LARGE1: variants seen among roughly 807,000 people sequenced by gnomAD.
The protein encoded by LARGE1 is xylosyl- and glucuronyltransferase LARGE1.
A neutral mutation model predicts 87.6 loss-of-function variants in LARGE1; 43 were observed. The ratio of observed to expected loss-of-function variants is 0.49; its 90% CI spans 0.38 to 0.63. The LOEUF is 0.63. Ranked by LOEUF, LARGE1 falls within the 30% of genes least tolerant of loss-of-function variation. LARGE1 has a pLI of 0.00. For missense variants in LARGE1, 802 were observed against 1,000.2 expected (o/e 0.80, Z 2.67); for synonymous variants, 434 against 394.6 (o/e 1.10, Z -1.18).
intron 11 of LARGE1, among the ~76,000 whole-genome samples, chr22:33,199,100 C>G (rs777048992): frequency 6.6e-6 from 1 of 151,906 alleles, no homozygotes; most frequent in East Asian, 1.9e-4. Context: ...ATCTGATGAT[C>G]GTGATGTTGA....
chr22:33,330,246 A>G (rs1474906666), intron 10 of LARGE1, among the ~76,000 whole-genome samples: 2 of 152,206 alleles, frequency 1.3e-5, no homozygotes, highest in African/African-American at 2.4e-5. Flanking sequence ...AAAAAACGGT[A>G]GAGAATAGCT....
intron 1 of LARGE1, among the ~76,000 whole-genome samples, chr22:33,869,990 C>G (rs940358491): frequency 2.0e-5 from 3 of 152,142 alleles, no homozygotes; most frequent in Non-Finnish European, 2.9e-5. Context: ...AATTGTGTAT[C>G]CCCCAGAAAG....
chr22:33,599,076 G>C (rs2148954883), intron 5 of LARGE1, among the ~76,000 whole-genome samples: 1 of 152,316 alleles, frequency 6.6e-6, no homozygotes. Context: ...GTAACCAACA[G>C]TCATTCCCCA....
At chr22:33,156,577 C>T in the LARGE1 span, among the ~76,000 whole-genome samples, 3 of 152,142 alleles carry the variant, frequency 2.0e-5, no homozygotes, top group Non-Finnish European at 4.4e-5. Flanking sequence ...CCCATTGTAT[C>T]TAGGAGGTAA....
intron 11 of LARGE1, among the ~76,000 whole-genome samples, chr22:33,262,883 T>G (rs1226350697): frequency 7.3e-6 from 1 of 136,842 alleles, no homozygotes; most frequent in African/African-American, 2.7e-5. Context: ...TCCCCTCCGC[T>G]CGCCTCCCCT....
chr22:33,414,320 T>C (rs1306762610), intron 7 of LARGE1, among the ~76,000 whole-genome samples: 1 of 151,842 alleles, frequency 6.6e-6, no homozygotes, highest in Non-Finnish European at 1.5e-5. Context: ...AAGGGAGAAA[T>C]GAATTATTTC....
intron 9 of LARGE1, among the ~76,000 whole-genome samples, chr22:33,354,922 A>G (rs1349714000): frequency 1.3e-5 from 2 of 152,250 alleles, no homozygotes; most frequent in East Asian, 1.9e-4. Context: ...ATGTTTAAAC[A>G]TATGAATACT....
intron 6 of LARGE1, among the ~76,000 whole-genome samples, chr22:33,546,286 C>T (rs1034240207): frequency 3.9e-5 from 6 of 152,220 alleles, no homozygotes; most frequent in Admixed American, 1.3e-4. Flanking sequence ...GAACACACCA[C>T]GCTTTATCAT....
chr22:33,714,716 C>T (rs994920342), intron 2 of LARGE1, among the ~76,000 whole-genome samples: 2 of 152,220 alleles, frequency 1.3e-5, no homozygotes, highest in African/African-American at 4.8e-5. Context: ...CTTGGCCCAA[C>T]TGGCCTCAGG....
chr22:33,704,064 G>A (rs751622979), intron 2 of LARGE1, among the ~76,000 whole-genome samples: 5 of 152,154 alleles, frequency 3.3e-5, no homozygotes, highest in South Asian at 2.1e-4. Context: ...ATACTAAAGC[G>A]CTGAATTGTC....
intron 6 of LARGE1, among the ~76,000 whole-genome samples, chr22:33,547,707 T>C (rs914827916): frequency 1.7e-4 from 25 of 143,294 alleles, no homozygotes; most frequent in African/African-American, 5.8e-4. Context: ...GGCAGGAGAA[T>C]TGCTTGAATC....
intron 6 of LARGE1, among the ~76,000 whole-genome samples, chr22:33,436,263 A>G (rs2067267870): frequency 6.6e-6 from 1 of 152,196 alleles, no homozygotes; most frequent in African/African-American, 2.4e-5. Context: ...AGTTCTTAGA[A>G]CAGAAGCTGG....
intron 11 of LARGE1, among the ~76,000 whole-genome samples, chr22:33,306,336 C>T (rs559479452): frequency 1.3e-5 from 2 of 152,258 alleles, no homozygotes; most frequent in South Asian, 2.1e-4. Flanking sequence ...GCCATTTGTA[C>T]AACTCCTCTG....
At chr22:33,233,653 T>C (rs1487191009) in intron 11 of LARGE1, among the ~76,000 whole-genome samples, 1 of 152,154 alleles carries the variant, frequency 6.6e-6, no homozygotes, top group Non-Finnish European at 1.5e-5. Flanking sequence ...AGCTTCAATG[T>C]TGGTGAAAGT....
intron 5 of LARGE1, among the ~76,000 whole-genome samples, chr22:33,580,060 G>GT (rs769328773): frequency 6.6e-6 from 1 of 152,104 alleles, no homozygotes; most frequent in Non-Finnish European, 1.5e-5. Flanking sequence ...TGAATTTCAG[G>GT]TTTTGCATCT....
chr22:33,194,531 T>C (rs1452231248), intron 11 of LARGE1, among the ~76,000 whole-genome samples: 1 of 152,186 alleles, frequency 6.6e-6, no homozygotes, highest in African/African-American at 2.4e-5. Flanking sequence ...GCCTAATGTC[T>C]GGGTTATATG....
chr22:33,405,848 T>C (rs1257970884), intron 7 of LARGE1, among the ~76,000 whole-genome samples: 1 of 152,186 alleles, frequency 6.6e-6, no homozygotes, highest in African/African-American at 2.4e-5. Flanking sequence ...ATTCCTTCCT[T>C]ACGCTCTGTG....
chr22:33,124,395 A>AGGAAGGAAGGAAGGAAAG, the LARGE1 span, among the ~76,000 whole-genome samples: 28 of 148,060 alleles, frequency 1.9e-4, no homozygotes, highest in Non-Finnish European at 2.6e-4. Context: ...GGAGGAAGGA[A>AGGAAGGAAGGAAGGAAAG]AATGATGGCT....
At chr22:33,136,672 A>G in the LARGE1 span, among the ~76,000 whole-genome samples, 1 of 152,218 alleles carries the variant, frequency 6.6e-6, no homozygotes, top group African/African-American at 2.4e-5. Flanking sequence ...TGGGGGATTT[A>G]ATATAAATCC....
Sources: allele counts gnomAD v4.1 joint callset (sites outside exome capture counted in the v4.1 genomes callset), GRCh38; gene constraint gnomAD v4.1.1; transcripts MANE v1.5; gene names NCBI Gene and HGNC (gene_info 2026-07-23, HGNC 2026-07-21).